The following ICE2 variants were observed in gnomAD, a reference collection of about 807,000 sequenced individuals.
ICE2 encodes interactor of little elongation complex ELL subunit 2.
In ICE2, 87 loss-of-function variants were observed where a neutral mutation model predicts 105.4. The ratio of observed to expected loss-of-function variants is 0.83; its 90% CI spans 0.69 to 0.99. The LOEUF (loss-of-function observed/expected upper bound fraction) is 0.99, where lower values mean the gene tolerates loss of function less well. Among genes scored for constraint, ICE2 ranks in the 50% least tolerant of loss-of-function variants. ICE2 has a pLI of 0.00. For missense variants in ICE2, 1,323 were observed against 1,146.7 expected, an observed-to-expected ratio of 1.15 and a Z score of -2.22; for synonymous variants, 399 against 392.0, an observed-to-expected ratio of 1.02 and a Z score of -0.21.
chr15:60,437,023 C>T (rs1049977682), intron 12 of ICE2, among the ~76,000 whole-genome samples: 1 of 151,876 alleles, frequency 6.6e-6, no homozygotes. Flanking sequence ...GAGGCCGAGG[C>T]GGGCAGATCA....
At chr15:60,466,375 T>C (rs2064428433) in intron 5 of ICE2, among the ~76,000 whole-genome samples, 1 of 152,214 alleles carries the variant, frequency 6.6e-6, no homozygotes, top group African/African-American at 2.4e-5. Flanking sequence ...AGTAGCTGGA[T>C]TGTTAAAGAA....
intron 1 of ICE2, chr15:60,478,694 G>C (rs1386755767): frequency 3.0e-6 from 1 of 337,754 alleles, no homozygotes. Context: ...TCTCGACACC[G>C]AACGGGCCCG....
intron 9 of ICE2, among the ~76,000 whole-genome samples, chr15:60,450,106 A>G (rs1254670094): frequency 6.6e-6 from 1 of 152,226 alleles, no homozygotes; most frequent in Non-Finnish European, 1.5e-5. Context: ...AAACTACCAC[A>G]TCTCAAGAGG....
intron 6 of ICE2, 77 bp from the exon 7 acceptor site, chr15:60,455,519 GAA>G (rs1409934484): frequency 2.3e-6 from 2 of 878,048 alleles, no homozygotes; most frequent in African/African-American, 3.4e-5. Flanking sequence ...TTCATCATAT[GAA>G]ACTCTTAACT....
chr15:60,451,018 C>G (rs139872369), intron 9 of ICE2: 81 of 257,324 alleles, frequency 3.1e-4, no homozygotes, highest in African/African-American at 1.8e-3. Flanking sequence ...TTAGACAAAG[C>G]AGAATTCAAA....
Position 60,448,969 on chromosome 15 carries a change from C to A in ICE2, c.1998G>T (p.Leu666Phe). 6.2e-7 allele frequency: 1 copy of A among 1,613,984 alleles called. No homozygotes were observed. The highest frequency in any genetic ancestry group is 1.3e-5 in the African/African-American group (1 of 75,020). ...TAGAATTTTCTAAATTCATTAAGGG[C>A]AATTCTGGTACTTTTCTGGAAATTG... is the stretch of plus-strand genomic sequence containing the variant. The part of the protein sequence containing the change: ...LKPISRKVPE[L>F]PLMNLENSKQ... The change falls in exon 10 of 16, where the codon TTG (leucine) becomes TTT (phenylalanine). Residue 666 changes from leucine (L) to phenylalanine (F), a missense_variant. Coordinates refer to ENST00000261520, the MANE Select transcript of ICE2 (RefSeq NM_024611.6).
chr15:60,446,057 G>A (rs973806496), intron 11 of ICE2, among the ~76,000 whole-genome samples: 3 of 152,152 alleles, frequency 2.0e-5, no homozygotes, highest in Non-Finnish European at 4.4e-5. Flanking sequence ...TCTAGGAGGA[G>A]ACTATCAAAC....
rs1211618272 is a variant in ICE2, at chr15:60,420,730, A to G, written c.*2904T>C. The G allele has an allele frequency of 2.0e-5, 3 of 152,186 alleles. No individual in the cohort carries two copies. Among genetic ancestry groups the G allele is most frequent in the Non-Finnish European group, 2.9e-5 (2 of 68,036 alleles). The allele number at this position is 152,186 out of a possible 1,614,324, so 9.4% of individuals were successfully genotyped here. Reference sequence around the variant, plus strand: ...TTTTAAAAGACTCAGCTCAAGTTCTATCTCAGAAAACCTTAACTACCAAGA... The same window carrying G: ...TTTTAAAAGACTCAGCTCAAGTTCTGTCTCAGAAAACCTTAACTACCAAGA... On this transcript the variant is annotated 3_prime_UTR_variant, in exon 16 of 16. Transcript: ENST00000261520.
At chr15:60,457,112 A>AT (rs1224678433) in intron 5 of ICE2, among the ~76,000 whole-genome samples, 4 of 152,198 alleles carry the variant, frequency 2.6e-5, no homozygotes, top group Non-Finnish European at 1.5e-5. Flanking sequence ...CAAAGCAGTT[A>AT]TATGAATAAT....
At chr15:60,429,602 G>A (rs2063411133) in intron 14 of ICE2, among the ~76,000 whole-genome samples, 1 of 152,146 alleles carries the variant, frequency 6.6e-6, no homozygotes, top group South Asian at 2.1e-4. Flanking sequence ...ATGTTAAGGA[G>A]AACATCGGTT....
chr15:60,459,242 A>G (rs980260401), intron 5 of ICE2, among the ~76,000 whole-genome samples: 1 of 152,230 alleles, frequency 6.6e-6, no homozygotes, highest in Non-Finnish European at 1.5e-5. Context: ...ATTAAAAAGC[A>G]TATTTTTATG....
rs1376468763 is a variant in ICE2 at position 60,419,924 on chromosome 15, G to A, written c.*3710C>T. On this transcript the variant is annotated 3_prime_UTR_variant, in exon 16 of 16. Coordinates refer to ENST00000261520, the MANE Select transcript of ICE2 (RefSeq NM_024611.6). ...ATTCTTTCCAAACTTCTCCCTTCAA[G>A]GGTGGAGCTTAAGTGTGGGCTTAGC... The A allele has an allele frequency of 6.6e-6, 1 of 152,182 alleles. No individual in the cohort carries two copies. The highest frequency in any genetic ancestry group is 1.9e-4 in the East Asian group (1 of 5,200). The allele number at this position is 152,182 out of a possible 1,614,324, so 9.4% of individuals were successfully genotyped here. A position where few individuals can be genotyped will look rare whatever the true frequency, so the allele number is the denominator to read the frequency against.
chr15:60,448,248 T>A, intron 10 of ICE2, 103 bp from the exon 11 acceptor site: 2 of 736,478 alleles, frequency 2.7e-6, no homozygotes, highest in Non-Finnish European at 4.2e-6. Flanking sequence ...CTATCATCTT[T>A]AATTTTCTAC....
At chr15:60,444,232 T>TA (rs1182576236) in intron 11 of ICE2, among the ~76,000 whole-genome samples, 2 of 152,040 alleles carry the variant, frequency 1.3e-5, no homozygotes, top group African/African-American at 4.8e-5. Flanking sequence ...TCCATATATT[T>TA]AAAAAAAATT....
At chr15:60,431,813 A>AT in intron 14 of ICE2, 121 bp downstream of exon 14, 1 of 545,402 alleles carries the variant, frequency 1.8e-6, no homozygotes, top group South Asian at 2.1e-5. Context: ...ATTTGACATA[A>AT]TAATTTTTGC....
At chr15:60,424,953 C>T (rs1240314706) in intron 15 of ICE2, among the ~76,000 whole-genome samples, 2 of 152,236 alleles carry the variant, frequency 1.3e-5, no homozygotes, top group Admixed American at 1.3e-4. Context: ...CTGCCCATAT[C>T]TGCCTTTATT....
At chr15:60,445,180 A>G (rs975083318) in intron 11 of ICE2, among the ~76,000 whole-genome samples, 1 of 152,238 alleles carries the variant, frequency 6.6e-6, no homozygotes, top group African/African-American at 2.4e-5. Flanking sequence ...GGTTGAAGAC[A>G]CTTCTAAGTA....
Position 60,455,020 on chromosome 15 carries a change from T to A in ICE2, c.926A>T (p.Gln309Leu). ...TTACAAACCTGCAACAGGTATTACT[T>A]GAATACACACTGGAATTTCCCACTG... is the stretch of plus-strand genomic sequence containing the variant. The part of the protein sequence containing the change: ...KEQWEIPVCI[Q>L]VIPVAGSKPV... The change falls in exon 8 of 16, where the codon CAA becomes CTA. Residue 309 changes from glutamine to leucine, a missense_variant. Coordinates refer to ENST00000261520, the MANE Select transcript of ICE2 (RefSeq NM_024611.6). The A allele has an allele frequency of 6.4e-7, 1 of 1,564,250 alleles. No individual in the cohort carries two copies. The highest frequency in any genetic ancestry group is 8.6e-7 in the Non-Finnish European group (1 of 1,164,122).
intron 12 of ICE2, 143 bp from the exon 13 acceptor site, chr15:60,436,370 TTTA>T (rs2063587328): frequency 2.3e-6 from 1 of 438,914 alleles, no homozygotes; most frequent in Non-Finnish European, 4.1e-6. Flanking sequence ...AAATACACAT[TTTA>T]TTAAGTCTTA....
Sources: gnomAD v4.1 joint callset for allele counts (sites outside exome capture counted in the v4.1 genomes callset) on GRCh38, gnomAD v4.1.1 for gene constraint, MANE v1.5 for transcripts, NCBI Gene and HGNC (gene_info 2026-07-23, HGNC 2026-07-21) for gene names.